Variants in NDUFAF2 observed in about 807,000 individuals in gnomAD.
NDUFAF2 encodes the protein NADH:ubiquinone oxidoreductase complex assembly factor 2, also known as NADH dehydrogenase [ubiquinone] 1 alpha subcomplex assembly factor 2.
NDUFAF2 carries 13 observed loss-of-function variants against 22.8 expected under a neutral mutation model. The observed-to-expected ratio is 0.57, with a 90% CI of 0.37 to 0.91. The LOEUF (loss-of-function observed/expected upper bound fraction) is 0.91. Among genes scored for constraint, NDUFAF2 ranks in the 40% least tolerant of loss-of-function variants. NDUFAF2 has a pLI of 0.01. For synonymous variants in NDUFAF2, 53 were observed against 64.2 expected (o/e 0.83, Z 0.84); for missense variants, 162 against 195.2 (o/e 0.83, Z 1.01).
At chr5:61,125,538 C>T (rs1242038506) in intron 3 of NDUFAF2, among the ~76,000 whole-genome samples, 1 of 151,876 alleles carries the variant, frequency 6.6e-6, no homozygotes, top group Non-Finnish European at 1.5e-5. Context: ...TTTTCAAGTC[C>T]ATCGAATTCA....
intron 3 of NDUFAF2, among the ~76,000 whole-genome samples, chr5:61,103,499 C>A (rs2545487): frequency 6.6e-6 from 1 of 151,924 alleles, no homozygotes; most frequent in East Asian, 1.9e-4. Context: ...TATTAAAATT[C>A]TGTGTTTTAT....
chr5:60,997,987 A>G (rs1751249469), intron 1 of NDUFAF2, among the ~76,000 whole-genome samples: 1 of 152,132 alleles, frequency 6.6e-6, no homozygotes, highest in South Asian at 2.1e-4. Context: ...AGTGATACCA[A>G]CCTATGTCTT....
intron 3 of NDUFAF2, among the ~76,000 whole-genome samples, chr5:61,132,018 A>G (rs1400366545): frequency 6.6e-6 from 1 of 152,218 alleles, no homozygotes; most frequent in Non-Finnish European, 1.5e-5. Flanking sequence ...CCCCTTGGCA[A>G]ATATGTACTC....
intron 1 of NDUFAF2, among the ~76,000 whole-genome samples, chr5:61,019,927 A>G (rs1317607604): frequency 1.3e-5 from 2 of 152,114 alleles, no homozygotes; most frequent in Non-Finnish European, 2.9e-5. Context: ...AAAATTTAAC[A>G]GTTAGATATT....
At chr5:61,126,540 T>G (rs1753037671) in intron 3 of NDUFAF2, among the ~76,000 whole-genome samples, 1 of 152,060 alleles carries the variant, frequency 6.6e-6, no homozygotes, top group Non-Finnish European at 1.5e-5. Context: ...TGTAGAATGA[T>G]TTCCACACTT....
At chr5:60,986,412 TG>T (rs1257521826) in intron 1 of NDUFAF2, among the ~76,000 whole-genome samples, 1 of 152,172 alleles carries the variant, frequency 6.6e-6, no homozygotes, top group Admixed American at 6.6e-5. Context: ...AGAAGTTATT[TG>T]AAACTAATGA....
chr5:61,107,046 T>TACACACACAC (rs59521177), intron 3 of NDUFAF2, among the ~76,000 whole-genome samples: 8,885 of 123,824 alleles, frequency 0.072, 471 homozygotes, highest in East Asian at 0.18. Flanking sequence ...TGGATAAATA[T>TACACACACAC]ACACACACAC....
intron 1 of NDUFAF2, among the ~76,000 whole-genome samples, chr5:61,067,578 GT>G: frequency 6.6e-6 from 1 of 152,218 alleles, no homozygotes; most frequent in Non-Finnish European, 1.5e-5. Context: ...ATTTGGGTTG[GT>G]TCCAAGTCTT....
At chr5:61,109,407 T>G (rs964296931) in intron 3 of NDUFAF2, among the ~76,000 whole-genome samples, 1 of 152,210 alleles carries the variant, frequency 6.6e-6, no homozygotes, top group African/African-American at 2.4e-5. Flanking sequence ...AAGGATAATT[T>G]GACTTCTTCC....
Position 60,995,876 on chromosome 5 carries a change from C to G in NDUFAF2, c.127+50494C>G, listed in dbSNP as rs183588132. Among the ~76,000 whole-genome samples the G allele has an allele frequency of 1.9e-3, 294 of 152,300 alleles. 5 individuals are homozygous for G. Among genetic ancestry groups the G allele is most frequent in the Admixed American group, 3.1e-3 (48 of 15,300 alleles). ...TGTGGCTGAGCTGGCACTCAAACCA[C>G]AAGATTCAGTCCTTCCCAATGTCCC... is the stretch of plus-strand genomic sequence containing the variant. On this transcript the variant is annotated intron_variant, in intron 1 of 3. Coordinates refer to ENST00000296597, the MANE Select transcript of NDUFAF2 (RefSeq NM_174889.5).
Position 61,129,711 on chromosome 5 carries a change from C to G in NDUFAF2, c.259-22993C>G, listed in dbSNP as rs544474062. ...AATGTAAATGATGGGTTAATGGGTG[C>G]AGCACACCAGCATGGCACATGTATA... On this transcript the variant is annotated intron_variant, in intron 3 of 3. Transcript: ENST00000296597. Among the ~76,000 whole-genome samples, 219 of 152,064 alleles carry G rather than the reference C, an allele frequency of 1.4e-3. 2 individuals are homozygous for G. Among genetic ancestry groups the G allele is most frequent in the African/African-American group, 5.1e-3 (212 of 41,464 alleles).
intron 3 of NDUFAF2, chr5:61,115,130 A>C (rs1467357899): frequency 1.3e-5 from 2 of 152,438 alleles, no homozygotes; most frequent in Non-Finnish European, 2.9e-5. Flanking sequence ...CAGAAGAGGA[A>C]GTTCTTCCCA....
chr5:61,055,269 C>T (rs907991233), intron 1 of NDUFAF2, among the ~76,000 whole-genome samples: 21 of 152,172 alleles, frequency 1.4e-4, no homozygotes, highest in Non-Finnish European at 1.3e-4. Flanking sequence ...AAATTCAACA[C>T]ATTTTAAAAT....
chr5:61,015,916 G>A (rs377320487), intron 1 of NDUFAF2, among the ~76,000 whole-genome samples: 4 of 152,096 alleles, frequency 2.6e-5, no homozygotes, highest in African/African-American at 7.2e-5. Context: ...GGCTGGGTGC[G>A]GTGGCTCACG....
intron 3 of NDUFAF2, among the ~76,000 whole-genome samples, chr5:61,135,172 C>G (rs968689964): frequency 1.3e-5 from 2 of 151,090 alleles, no homozygotes; most frequent in Non-Finnish European, 2.9e-5. Flanking sequence ...CTACTTCGGT[C>G]CACTGGAAAG....
chr5:60,995,466 G>A (rs928642996), intron 1 of NDUFAF2, among the ~76,000 whole-genome samples: 7 of 152,188 alleles, frequency 4.6e-5, no homozygotes, highest in Non-Finnish European at 1.0e-4. Context: ...GACATGATCT[G>A]GGAGAATTCT....
At chr5:61,039,642 G>A (rs1393821809) in intron 1 of NDUFAF2, among the ~76,000 whole-genome samples, 1 of 152,098 alleles carries the variant, frequency 6.6e-6, no homozygotes, top group Non-Finnish European at 1.5e-5. Context: ...GGGGACGGCT[G>A]GTGTCCTTAA....
chr5:60,971,842 T>A (rs1750835625), intron 1 of NDUFAF2, among the ~76,000 whole-genome samples: 1 of 152,148 alleles, frequency 6.6e-6, no homozygotes, highest in African/African-American at 2.4e-5. Context: ...TGTGCCACAT[T>A]TTCTTAATCC....
At chr5:60,978,345 C>G (rs1750930685) in intron 1 of NDUFAF2, among the ~76,000 whole-genome samples, 2 of 152,132 alleles carry the variant, frequency 1.3e-5, no homozygotes, top group African/African-American at 4.8e-5. Context: ...AAAGAAATAC[C>G]TGAGACTGGG....
Sources: allele counts gnomAD v4.1 joint callset (sites outside exome capture counted in the v4.1 genomes callset), GRCh38; gene constraint gnomAD v4.1.1; transcripts MANE v1.5; gene names NCBI Gene and HGNC (gene_info 2026-07-23, HGNC 2026-07-21).